The following ACSL1 variants were observed in gnomAD, a reference collection of about 807,000 sequenced individuals.
The protein encoded by ACSL1 is acyl-CoA synthetase long chain family member 1, also known as long-chain-fatty-acid--CoA ligase 1.
ACSL1 carries 41 observed loss-of-function variants against 98.4 expected under a neutral mutation model. The observed-to-expected ratio is 0.42, with a 90% CI of 0.32 to 0.54. The LOEUF (loss-of-function observed/expected upper bound fraction) is 0.54, where lower values mean the gene tolerates loss of function less well. Among genes scored for constraint, ACSL1 ranks in the 20% least tolerant of loss-of-function variants. The pLI is 0.13. For missense variants in ACSL1, 734 were observed against 883.1 expected (o/e 0.83, Z 2.14); for synonymous variants, 316 against 322.7 (o/e 0.98, Z 0.22).
rs1762325195 is a variant in ACSL1 at position 184,757,888 on chromosome 4, A to C, written c.1815T>G (p.Val605=). 1 of 1,614,174 alleles carries C rather than the reference A, an allele frequency of 6.2e-7. No homozygotes were observed. The highest frequency in any genetic ancestry group is 8.5e-7 in the Non-Finnish European group (1 of 1,180,026). ...TTTGGGCCCAGGAACATAATGTCTC[A>C]ACATCTGGTACCACAATTGCAATGA... ...AFLIAIVVPD[V]ETLCSWAQKR... The change falls in exon 19 of 21, where the codon GTT becomes GTG. Residue 605 remains valine (V), a synonymous_variant. Coordinates refer to ENST00000281455, the MANE Select transcript of ACSL1 (RefSeq NM_001995.5). This position sits in a 1 kb window ranked among gnomAD's most constrained non-coding sequence, Gnocchi z 4.5.
At chr4:184,785,597 G>GGGCC (rs1767081720) in intron 3 of ACSL1, among the ~76,000 whole-genome samples, 1 of 16,388 alleles carries the variant, frequency 6.1e-5, no homozygotes, top group South Asian at 2.7e-3. Context: ...AGATCCTCCT[G>GGGCC]GGCGGGGGCG....
At chr4:184,767,124 A>C (rs1458381479) in intron 12 of ACSL1, among the ~76,000 whole-genome samples, 1 of 152,056 alleles carries the variant, frequency 6.6e-6, no homozygotes, top group African/African-American at 2.4e-5. Flanking sequence ...TCTACAAAAA[A>C]TACAGAAATT....
chr4:184,776,435 A>G, intron 7 of ACSL1, 49 bp downstream of exon 7: 1 of 1,580,038 alleles, frequency 6.3e-7, no homozygotes, highest in South Asian at 1.2e-5. Context: ...GTGAGCCAAC[A>G]CGGCCCCAGG....
chr4:184,760,520 G>A lies in ACSL1; in HGVS notation c.1639-20C>T, dbSNP rs1762714855. ...GCCATTCTGTTGATCAGAGGGGAGG[G>A]GGTTATGAATGGGCTGATGGCTGGT... is the stretch of plus-strand genomic sequence containing the variant. On this transcript the variant is annotated intron_variant, in intron 17 of 20. Coordinates refer to ENST00000281455, the MANE Select transcript of ACSL1 (RefSeq NM_001995.5). 7 of 1,613,224 alleles carry A rather than the reference G, an allele frequency of 4.3e-6. No individual in the cohort carries two copies. Among genetic ancestry groups the A allele is most frequent in the Non-Finnish European group, 5.9e-6 (7 of 1,179,470 alleles).
chr4:184,805,608 G>C lies in ACSL1; in HGVS notation c.-32-2062C>G, dbSNP rs1377014790. The C allele has an allele frequency of 4.5e-5, 34 of 752,966 alleles. No homozygotes were observed. In the South Asian group the frequency reaches 6.6e-4, roughly 15 times the overall value. 46.6% of individuals were successfully genotyped at this position (752,966 alleles called of 1,614,324 possible). A position where few individuals can be genotyped will look rare whatever the true frequency, so the allele number is the denominator to read the frequency against. ...GGGCAATGAGCCTGGAAGTGGGCGGGGGTTAGCAGGGCTCAGCTGCGCTCC... is the reference window on the plus strand; with the variant it reads ...GGGCAATGAGCCTGGAAGTGGGCGGCGGTTAGCAGGGCTCAGCTGCGCTCC... On this transcript the variant is annotated intron_variant, in intron 1 of 20. Transcript: ENST00000281455.
intron 16 of ACSL1, 79 bp downstream of exon 16, chr4:184,763,088 G>A (rs1763079614): frequency 2.1e-6 from 3 of 1,437,838 alleles, no homozygotes; most frequent in South Asian, 2.4e-5. Context: ...TGAGCTGTTG[G>A]GAAATACCAC....
In ACSL1 at chr4:184,812,588, T is replaced by C. The variant is rs142515033; in HGVS notation, c.-32-9042A>G. 7.8e-3 allele frequency among the ~76,000 whole-genome samples: 1,188 copies of C among 152,286 alleles called. 14 individuals are homozygous for C. The highest frequency in any genetic ancestry group is 0.027 in the African/African-American group (1,125 of 41,564). The stretch of plus-strand genomic sequence containing the variant: ...TATTCTCTTGCTCTTATTTTGATCA[T>C]GTTTTATATTTCTCAAATTGTTTCA... On this transcript the variant is annotated intron_variant, in intron 1 of 20. Transcript: ENST00000281455.
intron 6 of ACSL1, 48 bp downstream of exon 6, chr4:184,776,836 C>T: frequency 1.3e-6 from 2 of 1,589,812 alleles, no homozygotes; most frequent in Non-Finnish European, 1.7e-6. Flanking sequence ...AGTCACTGAA[C>T]CTAACCAATA....
intron 2 of ACSL1, among the ~76,000 whole-genome samples, chr4:184,794,946 G>A (rs55691245): frequency 0.1 from 15,347 of 152,060 alleles, 948 homozygotes; most frequent in Non-Finnish European, 0.14. Flanking sequence ...GAAGAGGGAC[G>A]GGGGTAGGGG....
chr4:184,800,756 T>C (rs369846654), intron 2 of ACSL1, among the ~76,000 whole-genome samples: 1 of 152,356 alleles, frequency 6.6e-6, no homozygotes, highest in South Asian at 2.1e-4. Context: ...AAACACTTTT[T>C]GGATTCTGTT....
intron 16 of ACSL1, 127 bp downstream of exon 16, chr4:184,763,040 T>G: frequency 1.1e-6 from 1 of 946,298 alleles, no homozygotes. Flanking sequence ...CCTGGCAGAC[T>G]CCAGGATCAC....
In ACSL1 at chr4:184,773,649, A is replaced by G. The variant is rs913062134; in HGVS notation, c.841+14T>C. The G allele has an allele frequency of 9.3e-6, 15 of 1,610,258 alleles. No individual in the cohort carries two copies. The African/African-American group carries it at 1.1e-4, about 12-fold the overall frequency. On this transcript the variant is annotated intron_variant, in intron 9 of 20. Coordinates refer to ENST00000281455, the MANE Select transcript of ACSL1 (RefSeq NM_001995.5). This position sits in a 1 kb window ranked among gnomAD's most constrained non-coding sequence, Gnocchi z 4.3. Reference sequence around the variant, plus strand: ...GGCTGCCATATGTAGAAGCAATTCTATCTCAAAACTCACCTGTAGTTCCAC... The same window carrying G: ...GGCTGCCATATGTAGAAGCAATTCTGTCTCAAAACTCACCTGTAGTTCCAC...
rs978632027 is a variant in ACSL1, at chr4:184,774,000, A to G, written c.757-125T>C. ...CATTCACACCTGGCTCGAAAACAGC[A>G]TAATTTTCTAATTAAAGAAACTATG... On this transcript the variant is annotated intron_variant, in intron 7 of 20. Transcript: ENST00000281455. The surrounding 1 kb of genome is among the most constrained non-coding windows in gnomAD (Gnocchi z 4.3). The G allele has an allele frequency of 2.0e-5, 20 of 987,464 alleles. No individual in the cohort carries two copies. The highest frequency in any genetic ancestry group is 4.5e-5 in the South Asian group (3 of 67,182). 61.2% of individuals were successfully genotyped at this position (987,464 alleles called of 1,614,324 possible).
chr4:184,763,155 GT>G lies in ACSL1; in HGVS notation c.1521+11del. 1.9e-6 allele frequency: 3 copies of G among 1,611,770 alleles called. No individual in the cohort carries two copies. Among genetic ancestry groups the G allele is most frequent in the Non-Finnish European group, 2.5e-6 (3 of 1,179,454 alleles). On this transcript the variant is annotated intron_variant, in intron 16 of 20. Transcript: ENST00000281455. ...TGGCAGCGAGGGAAAATGACTGACG[GT>G]TTTCACTCACCTCGCCCTCGCCCTC...
intron 1 of ACSL1, among the ~76,000 whole-genome samples, chr4:184,804,262 A>G (rs6552828): frequency 0.61 from 92,282 of 152,108 alleles, 28,716 homozygotes; most frequent in African/African-American, 0.71. Flanking sequence ...CAGTGTTGGA[A>G]AGAAAGTACA....
chr4:184,769,325 C>G (rs1451103421), intron 11 of ACSL1, among the ~76,000 whole-genome samples: 8 of 152,056 alleles, frequency 5.3e-5, no homozygotes, highest in African/African-American at 1.7e-4. Flanking sequence ...ACAAACCATG[C>G]TGGCAAGCCA....
intron 2 of ACSL1, among the ~76,000 whole-genome samples, chr4:184,799,620 G>A (rs1770103810): frequency 6.6e-6 from 1 of 152,144 alleles, no homozygotes; most frequent in Non-Finnish European, 1.5e-5. Flanking sequence ...GGCCAAGGTG[G>A]GAGGATTGTT....
chr4:184,786,988 G>A (rs1218875497), intron 3 of ACSL1, among the ~76,000 whole-genome samples: 2 of 152,086 alleles, frequency 1.3e-5, no homozygotes, highest in African/African-American at 4.8e-5. Flanking sequence ...CACCATGCCC[G>A]GCCAATAGGC....
At chr4:184,804,079 TC>T (rs1358655109) in intron 1 of ACSL1, among the ~76,000 whole-genome samples, 2 of 152,190 alleles carry the variant, frequency 1.3e-5, no homozygotes, top group Non-Finnish European at 2.9e-5. Context: ...CCTTCTGTAC[TC>T]CTCACACGAC....
Sources: allele counts gnomAD v4.1 joint callset (sites outside exome capture counted in the v4.1 genomes callset), GRCh38; gene constraint gnomAD v4.1.1; non-coding constraint Gnocchi (gnomAD v3.1); transcripts MANE v1.5; gene names NCBI Gene and HGNC (gene_info 2026-07-23, HGNC 2026-07-21).